Variants in FIGN observed in about 807,000 individuals in gnomAD.
FIGN encodes the protein fidgetin.
FIGN carries 11 observed loss-of-function variants against 51.3 expected under a neutral mutation model. The observed-to-expected ratio is 0.21, with a 90% CI of 0.13 to 0.35. The LOEUF (loss-of-function observed/expected upper bound fraction) is 0.35, where lower values mean the gene tolerates loss of function less well. FIGN is among the 10% of genes least tolerant of loss of function. The pLI, the probability that FIGN is intolerant of heterozygous loss-of-function variation, is 1.00. For missense variants in FIGN, 857 were observed against 943.6 expected (o/e 0.91, Z 1.20); for synonymous variants, 407 against 363.2 (o/e 1.12, Z -1.37).
chr2:163,643,062 G>A (rs1046193164), intron 2 of FIGN, among the ~76,000 whole-genome samples: 4 of 151,850 alleles, frequency 2.6e-5, no homozygotes, highest in Admixed American at 6.6e-5. Flanking sequence ...AAATTGCCAG[G>A]GCCCAAAATA....
At chr2:163,710,014 G>A (rs1269008421) in intron 2 of FIGN, among the ~76,000 whole-genome samples, 2 of 152,142 alleles carry the variant, frequency 1.3e-5, no homozygotes, top group East Asian at 3.9e-4. Flanking sequence ...ATAAACAATT[G>A]ACTGAGGTTG....
intron 2 of FIGN, among the ~76,000 whole-genome samples, chr2:163,626,297 C>T (rs989721472): frequency 4.6e-5 from 7 of 152,022 alleles, no homozygotes; most frequent in Non-Finnish European, 7.4e-5. Flanking sequence ...AAAAAAACAG[C>T]GGATAAAACT....
chr2:163,707,333 C>G (rs888611140), intron 2 of FIGN, among the ~76,000 whole-genome samples: 1 of 142,884 alleles, frequency 7.0e-6, no homozygotes, highest in Non-Finnish European at 1.5e-5. Flanking sequence ...TCCACCCTAG[C>G]GACAGAATGA....
chr2:163,638,353 GACA>G (rs779496926), intron 2 of FIGN, among the ~76,000 whole-genome samples: 2 of 151,998 alleles, frequency 1.3e-5, no homozygotes, highest in Non-Finnish European at 2.9e-5. Flanking sequence ...ATTCTCCAGG[GACA>G]AGTAAGAGAG....
chr2:163,615,473 T>C (rs1297147007), intron 2 of FIGN, among the ~76,000 whole-genome samples: 13 of 152,176 alleles, frequency 8.5e-5, no homozygotes, highest in Admixed American at 8.5e-4. Flanking sequence ...TTTTTTGTTG[T>C]TATTGTTATT....
chr2:163,668,899 C>T (rs1461117283), intron 2 of FIGN, among the ~76,000 whole-genome samples: 1 of 151,660 alleles, frequency 6.6e-6, no homozygotes, highest in Admixed American at 6.6e-5. Context: ...AGAGATCGTG[C>T]CACTGCACTC....
intron 2 of FIGN, among the ~76,000 whole-genome samples, chr2:163,656,049 T>C (rs143726492): frequency 5.9e-4 from 90 of 152,340 alleles, no homozygotes; most frequent in East Asian, 4.6e-3. Context: ...TAGGAATAAG[T>C]AGGTTTCCTT....
At chr2:163,612,371 G>A (rs1468038800) in intron 2 of FIGN, 1 of 985,148 alleles carries the variant, frequency 1.0e-6, no homozygotes, top group Non-Finnish European at 1.2e-6. Context: ...ACAGTATAAT[G>A]CTCCCTGCGC....
intron 2 of FIGN, among the ~76,000 whole-genome samples, chr2:163,619,101 A>G (rs185515433): frequency 2.3e-4 from 35 of 152,122 alleles, no homozygotes; most frequent in African/African-American, 8.2e-4. Flanking sequence ...TTTTGCTCTA[A>G]TTTGTCAGAT....
At chr2:163,612,675 G>A (rs1442595443) in intron 2 of FIGN, 2 of 910,306 alleles carry the variant, frequency 2.2e-6, no homozygotes, top group Admixed American at 6.6e-5. Flanking sequence ...CAGCCTGCAA[G>A]GTACTAAGAG....
In FIGN at chr2:163,608,260, T is replaced by G. The variant is rs1183368888; in HGVS notation, c.*1292A>C. The stretch of plus-strand genomic sequence containing the variant: ...GAGATGGAGAGGTTCTTTGTGGATA[T>G]ATATATGTGTATGTAAGTTGGTTTG... On this transcript the variant is annotated 3_prime_UTR_variant, in exon 3 of 3. Transcript: ENST00000333129. The G allele has an allele frequency of 2.0e-5, 3 of 152,622 alleles. No homozygotes were observed. The highest frequency in any genetic ancestry group is 2.9e-5 in the Non-Finnish European group (2 of 68,062). 9.5% of individuals were successfully genotyped at this position (152,622 alleles called of 1,614,324 possible).
intron 2 of FIGN, among the ~76,000 whole-genome samples, chr2:163,650,253 C>T (rs1683450230): frequency 6.6e-6 from 1 of 151,800 alleles, no homozygotes. Context: ...ACTCAGGGAC[C>T]TATAGAGCTT....
At chr2:163,654,300 A>T (rs920527354) in intron 2 of FIGN, among the ~76,000 whole-genome samples, 3 of 152,138 alleles carry the variant, frequency 2.0e-5, no homozygotes, top group African/African-American at 7.2e-5. Context: ...GAATGATCAA[A>T]AGTGCTTGTT....
intron 2 of FIGN, among the ~76,000 whole-genome samples, chr2:163,665,347 A>T: frequency 6.6e-6 from 1 of 152,226 alleles, no homozygotes; most frequent in East Asian, 1.9e-4. Flanking sequence ...ACAATCTTAG[A>T]TGTTCTGAGG....
rs186001520 is a variant in FIGN, at chr2:163,690,550, T to C, written c.25+44353A>G. 1.2e-3 allele frequency among the ~76,000 whole-genome samples: 182 copies of C among 152,248 alleles called. 2 individuals carry two copies. Among genetic ancestry groups the C allele is most frequent in the Non-Finnish European group, 2.0e-3 (136 of 68,012 alleles). ...AAGATGTAATAAAGCAGTTATATAA[T>C]GCATTGGCATTTAGTATGATTATTA... is the stretch of plus-strand genomic sequence containing the variant. On this transcript the variant is annotated intron_variant, in intron 2 of 2. Transcript: ENST00000333129.
chr2:163,646,936 G>A (rs963269968), intron 2 of FIGN, among the ~76,000 whole-genome samples: 3 of 152,220 alleles, frequency 2.0e-5, no homozygotes, highest in African/African-American at 7.2e-5. Context: ...ATACACTGAT[G>A]GGAAGAAGTA....
chr2:163,729,558 C>A (rs956768218), intron 2 of FIGN, among the ~76,000 whole-genome samples: 2 of 151,926 alleles, frequency 1.3e-5, no homozygotes, highest in African/African-American at 4.8e-5. Flanking sequence ...GCAAATTTTC[C>A]AAAATTATAA....
intron 2 of FIGN, among the ~76,000 whole-genome samples, chr2:163,625,658 T>C (rs985684942): frequency 6.6e-6 from 1 of 152,086 alleles, no homozygotes; most frequent in Admixed American, 6.6e-5. Context: ...TGTATGTTGA[T>C]TATTCCATTA....
At position 163,611,276 on chromosome 2, in the gene FIGN, C is replaced by T. The variant is rs1048552167; in HGVS notation, c.556G>A (p.Ala186Thr). The T allele has an allele frequency of 1.2e-5, 19 of 1,613,996 alleles. No homozygotes were observed. Among genetic ancestry groups the T allele is most frequent in the Non-Finnish European group, 1.4e-5 (17 of 1,180,016 alleles). The part of the protein sequence containing the change: ...LHAGLPSQEY[A>T]PGYNGSYLHS... ...AAATATGATCCGTTGTATCCTGGGG[C>T]ATATTCCTGAGATGGGAGCCCTGCA... Residue 186 changes from alanine to threonine, a missense_variant, in exon 3 of 3, where the codon GCC becomes ACC. By Grantham distance (58) the Ala-to-Thr change is moderately conservative. Transcript: ENST00000333129.
Sources: allele counts gnomAD v4.1 joint callset (sites outside exome capture counted in the v4.1 genomes callset), GRCh38; gene constraint gnomAD v4.1.1; transcripts MANE v1.5; gene names NCBI Gene and HGNC (gene_info 2026-07-23, HGNC 2026-07-21).